ANOS1: variants seen among roughly 807,000 people sequenced by gnomAD.
The protein encoded by ANOS1 is anosmin-1.
ANOS1 carries 6 observed loss-of-function variants against 59.0 expected under a neutral mutation model. The observed-to-expected ratio is 0.10, with a 90% confidence interval of 0.06 to 0.20. The LOEUF is 0.20. ANOS1 is among the 10% of genes least tolerant of loss of function. The probability of loss-of-function intolerance (pLI) is 1.00; values close to 1 mark genes in which losing one functional copy is unlikely to be tolerated. For synonymous variants in ANOS1, 217 were observed against 223.4 expected, an observed-to-expected ratio of 0.97 and a Z score of 0.25; for missense variants, 433 against 542.3, an observed-to-expected ratio of 0.80 and a Z score of 2.00.
rs1446275913 is a variant in ANOS1 at position 8,578,511 on chromosome X, T to C, written c.856+6756A>G. Among the ~76,000 whole-genome samples the C allele has an allele frequency of 2.0e-4, 22 of 111,675 alleles. No individual in the cohort carries two copies. In the Admixed American group the frequency reaches 2.1e-3, roughly 11 times the overall value. ...CAGGGAACTTTATTACCATCAGTGA[T>C]GTCTGCTCTAGTTTTACTGACACTC... On this transcript the variant is annotated intron_variant, in intron 6 of 13. Coordinates refer to ENST00000262648, the MANE Select transcript of ANOS1 (RefSeq NM_000216.4).
intron 8 of ANOS1, among the ~76,000 whole-genome samples, chrX:8,557,057 G>T (rs1929961344): frequency 9.0e-6 from 1 of 110,966 alleles, no homozygotes; most frequent in Non-Finnish European, 1.9e-5. Flanking sequence ...TGACAAACCT[G>T]ACAAAAGCAA....
chrX:8,703,955 T>C (rs779576017), intron 1 of ANOS1, among the ~76,000 whole-genome samples: 46 of 111,775 alleles, frequency 4.1e-4, no homozygotes, highest in Non-Finnish European at 7.2e-4. Flanking sequence ...TCATCTTGAA[T>C]TGTAGCTCCC....
At position 8,683,985 on chromosome X, in the gene ANOS1, T is replaced by A. The variant is rs193262812; in HGVS notation, c.255+15713A>T. On this transcript the variant is annotated intron_variant, in intron 2 of 13. Coordinates refer to ENST00000262648, the MANE Select transcript of ANOS1 (RefSeq NM_000216.4). ...TATGCTAGGACTGCGCAGAAAATGA[T>A]TCAGAAGAAATATAGAAAATCCTCC... Among the ~76,000 whole-genome samples, 24 of 111,843 alleles carry A rather than the reference T, an allele frequency of 2.1e-4. No individual in the cohort carries two copies. In the East Asian group the frequency reaches 6.8e-3, roughly 32 times the overall value.
At chrX:8,661,725 A>T (rs1932041475) in intron 2 of ANOS1, among the ~76,000 whole-genome samples, 1 of 103,904 alleles carries the variant, frequency 9.6e-6, no homozygotes, top group African/African-American at 4.0e-5. Context: ...CATGACCCCC[A>T]TGTGGTCCTT....
chrX:8,621,498 C>T (rs764216321), intron 3 of ANOS1, among the ~76,000 whole-genome samples: 2 of 111,802 alleles, frequency 1.8e-5, no homozygotes, highest in Non-Finnish European at 3.8e-5. Flanking sequence ...ATTACCAATG[C>T]GGGTAAAAAT....
intron 2 of ANOS1, among the ~76,000 whole-genome samples, chrX:8,664,860 C>T (rs1932108184): frequency 9.0e-6 from 1 of 111,652 alleles, no homozygotes; most frequent in Admixed American, 9.5e-5. Flanking sequence ...TCTCTAGCAC[C>T]ATTTCTCTTT....
chrX:8,731,462 G>T (rs1932976381), intron 1 of ANOS1, among the ~76,000 whole-genome samples: 1 of 111,422 alleles, frequency 9.0e-6, no homozygotes, highest in African/African-American at 3.3e-5. Flanking sequence ...GAGCGCCTGG[G>T]ACTTTGCGGG....
intron 5 of ANOS1, 133 bp from the exon 6 acceptor site, chrX:8,585,529 C>T: frequency 3.0e-6 from 2 of 668,137 alleles, no homozygotes; most frequent in Non-Finnish European, 4.7e-6. Flanking sequence ...ATAAGAGGGG[C>T]TTATCATGCC....
chrX:8,698,155 T>C (rs1324581988), intron 2 of ANOS1, among the ~76,000 whole-genome samples: 2 of 112,205 alleles, frequency 1.8e-5, no homozygotes, highest in Non-Finnish European at 3.8e-5. Context: ...TTGTGACTTA[T>C]TGATTGATTT....
intron 2 of ANOS1, 29 bp downstream of exon 2, chrX:8,699,669 C>T: frequency 1.8e-6 from 2 of 1,138,584 alleles, no homozygotes; most frequent in African/African-American, 1.8e-5. Flanking sequence ...AAGTTTTTTG[C>T]ACCATTCATA....
intron 4 of ANOS1, 145 bp downstream of exon 4, chrX:8,596,889 G>C: frequency 2.2e-6 from 2 of 925,566 alleles, no homozygotes; most frequent in East Asian, 3.4e-5. Context: ...ATTATGTTAA[G>C]ATGTCTGTAT....
chrX:8,642,858 T>C (rs977742514), intron 2 of ANOS1, among the ~76,000 whole-genome samples: 2 of 111,939 alleles, frequency 1.8e-5, no homozygotes, highest in African/African-American at 6.5e-5. Flanking sequence ...TGATGCAGGC[T>C]GAATTTGAGA....
At chrX:8,542,992 G>A (rs1296328447) in intron 9 of ANOS1, among the ~76,000 whole-genome samples, 1 of 110,627 alleles carries the variant, frequency 9.0e-6, no homozygotes, top group African/African-American at 3.3e-5. Flanking sequence ...CCAATGTTTT[G>A]TTTGATTCTG....
chrX:8,726,088 G>C (rs973934942), intron 1 of ANOS1, among the ~76,000 whole-genome samples: 2 of 110,609 alleles, frequency 1.8e-5, no homozygotes, highest in Admixed American at 1.9e-4. Context: ...ACAGAGCAAA[G>C]GGACACATCG....
rs1555893271 is a variant in ANOS1 at position 8,554,556 on chromosome X, T to TG, written c.1208-459_1208-458insC. Reference sequence around the variant, plus strand: ...TGGCTACAGGAGTTTTTTTTTTTTTTTTTTTTTTTTTTTTGTTGTTGTTGT... The same window carrying TG: ...TGGCTACAGGAGTTTTTTTTTTTTTTGTTTTTTTTTTTTTTGTTGTTGTTGT... On this transcript the variant is annotated intron_variant, in intron 8 of 13. Transcript: ENST00000262648. Among the ~76,000 whole-genome samples, 604 of 97,135 alleles carry TG rather than the reference T, an allele frequency of 6.2e-3. 4 individuals are homozygous for TG. Among genetic ancestry groups the TG allele is most frequent in the African/African-American group, 0.023 (581 of 24,938 alleles). 84.4% of individuals were successfully genotyped at this position (97,135 alleles called of 115,157 possible).
chrX:8,551,094 C>T (rs149921754), intron 9 of ANOS1, among the ~76,000 whole-genome samples: 9 of 111,609 alleles, frequency 8.1e-5, no homozygotes, highest in African/African-American at 2.6e-4. Context: ...CTTCACCTTC[C>T]GCAATGATTG....
chrX:8,682,742 T>C (rs1932445143), intron 2 of ANOS1, among the ~76,000 whole-genome samples: 1 of 111,161 alleles, frequency 9.0e-6, no homozygotes, highest in South Asian at 3.8e-4. Flanking sequence ...TATGAAAGAA[T>C]GTGGCATGCT....
intron 9 of ANOS1, among the ~76,000 whole-genome samples, chrX:8,549,212 A>G (rs1443540553): frequency 8.9e-6 from 1 of 112,558 alleles, no homozygotes; most frequent in Non-Finnish European, 1.9e-5. Context: ...TAAAGATTTC[A>G]GTATTTGAGA....
rs1930944623 is a variant in ANOS1 at position 8,606,423 on chromosome X, A to G, written c.319-9167T>C. The stretch of plus-strand genomic sequence containing the variant: ...CTGGTAGGTGGGAGGAGTGGTGGAG[A>G]AAACCTATGAGTGTGACTTATCTTG... On this transcript the variant is annotated intron_variant, in intron 3 of 13. Coordinates refer to ENST00000262648, the MANE Select transcript of ANOS1 (RefSeq NM_000216.4). Among the ~76,000 whole-genome samples the G allele has an allele frequency of 2.7e-5, 3 of 112,482 alleles. No individual in the cohort carries two copies. In the South Asian group the frequency reaches 1.1e-3, roughly 41 times the overall value.
Sources: gnomAD v4.1 joint callset for allele counts (sites outside exome capture counted in the v4.1 genomes callset) on GRCh38, gnomAD v4.1.1 for gene constraint, MANE v1.5 for transcripts, NCBI Gene and HGNC (gene_info 2026-07-23, HGNC 2026-07-21) for gene names.